Variants in CYTH1 observed in about 807,000 individuals in gnomAD.
CYTH1 encodes cytohesin-1.
In CYTH1, 18 loss-of-function variants were observed where a neutral mutation model predicts 61.8. The ratio of observed to expected loss-of-function variants is 0.29; its 90% CI spans 0.20 to 0.43. CYTH1 has a LOEUF of 0.43. CYTH1 is among the 20% of genes least tolerant of loss of function. The pLI is 1.00. For synonymous variants in CYTH1, 174 were observed against 184.3 expected, an observed-to-expected ratio of 0.94 and a Z score of 0.45; for missense variants, 336 against 510.5, an observed-to-expected ratio of 0.66 and a Z score of 3.29.
chr17:78,735,439 G>T (rs1211532319), intron 1 of CYTH1, among the ~76,000 whole-genome samples: 1 of 152,220 alleles, frequency 6.6e-6, no homozygotes, highest in Non-Finnish European at 1.5e-5. Context: ...ACTAGATCTT[G>T]GCTAGTGTGG....
intron 1 of CYTH1, among the ~76,000 whole-genome samples, chr17:78,731,280 T>C (rs1351808732): frequency 6.6e-6 from 1 of 152,142 alleles, no homozygotes; most frequent in East Asian, 1.9e-4. Context: ...AGGGCTAGAC[T>C]AGATAACTTC....
intron 1 of CYTH1, among the ~76,000 whole-genome samples, chr17:78,766,554 C>A (rs2093449534): frequency 6.6e-6 from 1 of 152,172 alleles, no homozygotes; most frequent in African/African-American, 2.4e-5. Context: ...ACTGCCTTTA[C>A]TGCATGATCC....
chr17:78,740,110 A>G (rs2093336546), intron 1 of CYTH1, among the ~76,000 whole-genome samples: 1 of 151,974 alleles, frequency 6.6e-6, no homozygotes, highest in South Asian at 2.1e-4. Flanking sequence ...TAATTTTTGT[A>G]TTTTTAGTAG....
chr17:78,732,447 T>C (rs572736160), intron 1 of CYTH1, among the ~76,000 whole-genome samples: 119 of 152,308 alleles, frequency 7.8e-4, no homozygotes, highest in African/African-American at 2.5e-3. Flanking sequence ...GAAAGGGCAG[T>C]TCTAATCCTC....
intron 1 of CYTH1, among the ~76,000 whole-genome samples, chr17:78,766,706 AAGAACGTTT>A (rs1419578171): frequency 6.6e-6 from 1 of 152,226 alleles, no homozygotes; most frequent in Non-Finnish European, 1.5e-5. Context: ...TCCCAGAAGA[AAGAACGTTT>A]AGAAAGTACA....
At chr17:78,765,247 C>A (rs1384063497) in intron 1 of CYTH1, among the ~76,000 whole-genome samples, 4 of 152,110 alleles carry the variant, frequency 2.6e-5, no homozygotes, top group Non-Finnish European at 5.9e-5. Context: ...CAAAGAGAAG[C>A]CTTCCTCAGT....
intron 1 of CYTH1, among the ~76,000 whole-genome samples, chr17:78,733,988 G>A (rs1383932207): frequency 2.0e-5 from 3 of 152,168 alleles, no homozygotes; most frequent in Non-Finnish European, 4.4e-5. Flanking sequence ...AGTGGTTCAC[G>A]CCTGTAATCC....
intron 1 of CYTH1, among the ~76,000 whole-genome samples, chr17:78,756,082 T>TTTA (rs2093399896): frequency 6.7e-6 from 1 of 148,992 alleles, no homozygotes; most frequent in African/African-American, 2.4e-5. Context: ...TATTTTTATT[T>TTTA]TTTTTTTTTT....
chr17:78,725,171 T>C (rs1386860182), intron 1 of CYTH1, among the ~76,000 whole-genome samples: 1 of 152,146 alleles, frequency 6.6e-6, no homozygotes, highest in Non-Finnish European at 1.5e-5. Context: ...TTCTTCTTGT[T>C]CAGAAGCTCA....
intron 1 of CYTH1, among the ~76,000 whole-genome samples, chr17:78,739,015 C>T (rs933033695): frequency 2.0e-5 from 3 of 152,202 alleles, no homozygotes; most frequent in East Asian, 1.9e-4. Flanking sequence ...AACGGTTTCT[C>T]GTTGTTGTTG....
At chr17:78,680,160 G>A (rs756927294) in intron 13 of CYTH1, 30 bp downstream of exon 13, 14 of 1,612,802 alleles carry the variant, frequency 8.7e-6, no homozygotes, top group East Asian at 6.7e-5. Context: ...TGCACCAGGC[G>A]CGCACTGCCC....
chr17:78,708,664 G>C (rs919864800), intron 2 of CYTH1, among the ~76,000 whole-genome samples: 13 of 152,390 alleles, frequency 8.5e-5, no homozygotes, highest in Non-Finnish European at 1.6e-4. Context: ...CCAGGCTGCA[G>C]AGCCTGCAGT....
At chr17:78,740,185 C>T (rs2093336885) in intron 1 of CYTH1, among the ~76,000 whole-genome samples, 2 of 152,216 alleles carry the variant, frequency 1.3e-5, no homozygotes, top group African/African-American at 4.8e-5. Context: ...ATCCACCCAC[C>T]TTGGCCTCCC....
At position 78,742,726 on chromosome 17, in the gene CYTH1, G is replaced by A. The variant is rs574595677; in HGVS notation, c.23-32994C>T. Among the ~76,000 whole-genome samples, 187 of 152,038 alleles carry A rather than the reference G, an allele frequency of 1.2e-3. 2 individuals are homozygous for A. The South Asian group carries it at 0.015, about 13-fold the overall frequency. ...ACGTTAGCTGGGCGTGGTGGTGGGC[G>A]CACCTGTAATCCCAGCTACTCGGGA... On this transcript the variant is annotated intron_variant, in intron 1 of 13. Transcript: ENST00000446868.
At chr17:78,696,035 G>A (rs377420808) in intron 9 of CYTH1, 26 bp from the exon 10 acceptor site, 7 of 1,367,544 alleles carry the variant, frequency 5.1e-6, no homozygotes, top group Non-Finnish European at 6.9e-6. Flanking sequence ...AGGAAAAGGA[G>A]AGCCAAAATC....
chr17:78,687,972 C>T (rs929708279), intron 11 of CYTH1, among the ~76,000 whole-genome samples: 2 of 152,196 alleles, frequency 1.3e-5, no homozygotes, highest in African/African-American at 4.8e-5. Flanking sequence ...GTGTGCTCTG[C>T]GTCCATCTCC....
intron 1 of CYTH1, among the ~76,000 whole-genome samples, chr17:78,751,804 CTTTTTTG>C (rs953225632): frequency 2.0e-5 from 3 of 152,146 alleles, no homozygotes; most frequent in African/African-American, 7.2e-5. Flanking sequence ...ATAATTTCAT[CTTTTTTG>C]TTTTTTGTTT....
chr17:78,698,453 A>G (rs2144264154), intron 8 of CYTH1, 73 bp from the exon 9 acceptor site: 1 of 1,228,840 alleles, frequency 8.1e-7, no homozygotes, highest in South Asian at 1.2e-5. Flanking sequence ...CTCTTCATTC[A>G]TTCCACAAGC....
chr17:78,742,198 T>C lies in CYTH1; in HGVS notation c.23-32466A>G, dbSNP rs180918753. The stretch of plus-strand genomic sequence containing the variant: ...GAGCTGGTCAAAAGATACGAACTAC[T>C]TTAAGGCTCACTATACACTGCTATG... On this transcript the variant is annotated intron_variant, in intron 1 of 13. Coordinates refer to ENST00000446868, the MANE Select transcript of CYTH1 (RefSeq NM_004762.6). Among the ~76,000 whole-genome samples, 108 of 152,346 alleles carry C rather than the reference T, an allele frequency of 7.1e-4. 2 individuals are homozygous for C. The highest frequency in any genetic ancestry group is 6.7e-3 in the Admixed American group (103 of 15,304).
Sources: allele counts gnomAD v4.1 joint callset (sites outside exome capture counted in the v4.1 genomes callset), GRCh38; gene constraint gnomAD v4.1.1; transcripts MANE v1.5; gene names NCBI Gene and HGNC (gene_info 2026-07-23, HGNC 2026-07-21).